The following KDM4C variants were observed in gnomAD, a reference collection of about 807,000 sequenced individuals.
KDM4C encodes the protein lysine-specific demethylase 4C.
Under a neutral mutation model 129.3 loss-of-function variants are expected in KDM4C, and 81 were observed. The observed-to-expected ratio is 0.63, with a 90% CI of 0.52 to 0.75. The LOEUF is 0.75. Among genes scored for constraint, KDM4C ranks in the 30% least tolerant of loss-of-function variants. KDM4C has a pLI of 0.00. For synonymous variants in KDM4C, 573 were observed against 456.1 expected (o/e 1.26, Z -3.26); for missense variants, 1,457 against 1,304.0 (o/e 1.12, Z -1.81).
Position 6,777,544 on chromosome 9 carries a change from T to C in KDM4C, c.-17-15428T>C, listed in dbSNP as rs567631669. On this transcript the variant is annotated intron_variant, in intron 1 of 21. Coordinates refer to ENST00000381309, the MANE Select transcript of KDM4C (RefSeq NM_015061.6). ...TAGCTCTTTCAGTAGTGAATGCCTG[T>C]GTTTTACATTTTTGAGATTGTTCCC... Among the ~76,000 whole-genome samples, 13 of 152,364 alleles carry C rather than the reference T, an allele frequency of 8.5e-5. No homozygotes were observed. The South Asian group carries it at 2.3e-3, about 27-fold the overall frequency.
intron 5 of KDM4C, among the ~76,000 whole-genome samples, chr9:6,857,098 A>G (rs191546214): frequency 2.6e-5 from 4 of 152,214 alleles, no homozygotes; most frequent in African/African-American, 7.2e-5. Flanking sequence ...GGCTCAATCA[A>G]TCCTCCTGCC....
chr9:7,156,795 C>G (rs147994205), intron 19 of KDM4C, among the ~76,000 whole-genome samples: 2,379 of 152,230 alleles, frequency 0.016, 43 homozygotes, highest in African/African-American at 0.053. Context: ...GTGATGTCTC[C>G]AGCTTTGTTC....
chr9:6,903,807 A>G (rs1817809843), intron 8 of KDM4C, among the ~76,000 whole-genome samples: 1 of 152,210 alleles, frequency 6.6e-6, no homozygotes, highest in African/African-American at 2.4e-5. Context: ...AGTTTATTAA[A>G]GGTAAAAAAC....
chr9:6,899,542 G>GGGGTGTGTGTGTGT (rs1554633822), intron 8 of KDM4C, among the ~76,000 whole-genome samples: 1 of 150,054 alleles, frequency 6.7e-6, no homozygotes, highest in Non-Finnish European at 1.5e-5. Context: ...TTTCCATGGG[G>GGGGTGTGTGTGTGT]GTGTGTGTGT....
intron 1 of KDM4C, among the ~76,000 whole-genome samples, chr9:6,791,887 T>C (rs1258185507): frequency 1.3e-5 from 2 of 152,022 alleles, no homozygotes; most frequent in East Asian, 1.9e-4. Context: ...CTGGGTGTGG[T>C]AGACCATGCC....
chr9:6,853,128 A>G (rs1839161021), intron 5 of KDM4C, among the ~76,000 whole-genome samples: 1 of 152,138 alleles, frequency 6.6e-6, no homozygotes, highest in Non-Finnish European at 1.5e-5. Context: ...GTATTGAATT[A>G]GAAGAGTGTT....
At chr9:6,733,276 G>A (rs1368511641) in intron 1 of KDM4C, among the ~76,000 whole-genome samples, 2 of 152,224 alleles carry the variant, frequency 1.3e-5, no homozygotes, top group African/African-American at 2.4e-5. Context: ...CATGGATGCT[G>A]GCTGGACCAG....
At chr9:7,105,145 C>T (rs982281647) in intron 18 of KDM4C, among the ~76,000 whole-genome samples, 1 of 152,174 alleles carries the variant, frequency 6.6e-6, no homozygotes, top group Non-Finnish European at 1.5e-5. Flanking sequence ...TTTAAAAATA[C>T]CTAGTAATAA....
chr9:6,991,255 A>T (rs911830243), intron 12 of KDM4C, among the ~76,000 whole-genome samples: 2 of 152,032 alleles, frequency 1.3e-5, no homozygotes, highest in African/African-American at 2.4e-5. Flanking sequence ...ATTTAAAAAA[A>T]AAATTTTTTT....
intron 2 of KDM4C, among the ~76,000 whole-genome samples, chr9:6,794,712 T>C (rs1444015378): frequency 1.3e-5 from 2 of 152,050 alleles, no homozygotes; most frequent in African/African-American, 4.8e-5. Flanking sequence ...TATCATCTTA[T>C]CTTATTCTTA....
intron 3 of KDM4C, among the ~76,000 whole-genome samples, chr9:6,809,213 TAG>T (rs1830705677): frequency 6.6e-6 from 1 of 152,232 alleles, no homozygotes; most frequent in South Asian, 2.1e-4. Context: ...TTGGTATTAA[TAG>T]AGTTTTATTC....
chr9:6,939,115 G>T (rs1302855945), intron 8 of KDM4C, among the ~76,000 whole-genome samples: 1 of 151,602 alleles, frequency 6.6e-6, no homozygotes, highest in African/African-American at 2.4e-5. Context: ...GGTTCCAGTG[G>T]CCTGTTAGGA....
intron 20 of KDM4C, among the ~76,000 whole-genome samples, chr9:7,169,387 G>C (rs1844729828): frequency 6.6e-6 from 1 of 152,124 alleles, no homozygotes; most frequent in Non-Finnish European, 1.5e-5. Flanking sequence ...CCAGGCTGGA[G>C]TGCAGTGGTG....
chr9:7,151,090 C>T (rs1047642655), intron 19 of KDM4C, among the ~76,000 whole-genome samples: 1 of 151,852 alleles, frequency 6.6e-6, no homozygotes, highest in East Asian at 1.9e-4. Flanking sequence ...GCAGGAGGAC[C>T]TTTTGAGGGC....
chr9:6,976,680 G>A (rs2792228), intron 8 of KDM4C, among the ~76,000 whole-genome samples: 151,298 of 152,340 alleles, frequency 0.99, 75,138 homozygotes, highest in East Asian at 1. Context: ...TTAGCTGATA[G>A]CCTTCAAGAG....
intron 6 of KDM4C, among the ~76,000 whole-genome samples, chr9:6,882,694 T>TA (rs1449656553): frequency 2.0e-5 from 3 of 152,144 alleles, no homozygotes; most frequent in African/African-American, 7.2e-5. Flanking sequence ...GTTACCTTAT[T>TA]AAAAAAGCAG....
At chr9:7,079,761 T>C (rs1040996312) in intron 17 of KDM4C, among the ~76,000 whole-genome samples, 1 of 152,238 alleles carries the variant, frequency 6.6e-6, no homozygotes, top group Non-Finnish European at 1.5e-5. Context: ...CTGGGATCCG[T>C]GTATTCCAGG....
chr9:6,822,936 A>G (rs1026872512), intron 4 of KDM4C, among the ~76,000 whole-genome samples: 4 of 152,186 alleles, frequency 2.6e-5, no homozygotes, highest in South Asian at 4.1e-4. Flanking sequence ...AGCATTACCT[A>G]TGTTAGTACA....
At chr9:6,965,401 A>T (rs1469642791) in intron 8 of KDM4C, among the ~76,000 whole-genome samples, 1 of 152,158 alleles carries the variant, frequency 6.6e-6, no homozygotes, top group Non-Finnish European at 1.5e-5. Context: ...AGTAGTGCTA[A>T]TTGATATTAT....
Sources: allele counts gnomAD v4.1 joint callset (sites outside exome capture counted in the v4.1 genomes callset), GRCh38; gene constraint gnomAD v4.1.1; transcripts MANE v1.5; gene names NCBI Gene and HGNC (gene_info 2026-07-23, HGNC 2026-07-21).